The following FOXN3 variants were observed in gnomAD, a reference collection of about 807,000 sequenced individuals.
FOXN3 encodes forkhead box N3.
Under a neutral mutation model 38.4 loss-of-function variants are expected in FOXN3, and 7 were observed. The observed-to-expected ratio is 0.18, with a 90% CI of 0.10 to 0.34. The LOEUF (loss-of-function observed/expected upper bound fraction) is 0.34, where lower values mean the gene tolerates loss of function less well. FOXN3 is among the 10% of genes least tolerant of loss of function. FOXN3 has a pLI of 1.00. For missense variants in FOXN3, 456 were observed against 613.4 expected, an observed-to-expected ratio of 0.74 and a Z score of 2.71; for synonymous variants, 230 against 242.2, an observed-to-expected ratio of 0.95 and a Z score of 0.47.
rs56189442 is a variant in FOXN3 at position 89,269,485 on chromosome 14, G to GTT, written c.745+11463_745+11464dup. Among the ~76,000 whole-genome samples, 916 of 148,204 alleles carry GTT rather than the reference G, an allele frequency of 6.2e-3. 6 individuals carry two copies. Among genetic ancestry groups the GTT allele is most frequent in the African/African-American group, 0.019 (759 of 40,362 alleles). On this transcript the variant is annotated intron_variant, in intron 4 of 5. Coordinates refer to ENST00000557258, the MANE Select transcript of FOXN3 (RefSeq NM_005197.4). ...GGTCACTTGCTTTTTGTTTTGTTTTGTTTTTTTTTTTCCTTTTTCCATGAA... is the reference window on the plus strand; with the variant it reads ...GGTCACTTGCTTTTTGTTTTGTTTTGTTTTTTTTTTTTTCCTTTTTCCATGAA...
At chr14:89,293,694 T>C (rs1886947864) in intron 3 of FOXN3, among the ~76,000 whole-genome samples, 1 of 152,084 alleles carries the variant, frequency 6.6e-6, no homozygotes, top group East Asian at 1.9e-4. Flanking sequence ...ACATTGGAAG[T>C]AAGGGCACAT....
chr14:89,411,415 C>A (rs77513724), intron 2 of FOXN3, among the ~76,000 whole-genome samples: 2,123 of 152,338 alleles, frequency 0.014, 60 homozygotes, highest in African/African-American at 0.048. Flanking sequence ...TCTGTTTAGT[C>A]TGCGAGCGTA....
intron 1 of FOXN3, among the ~76,000 whole-genome samples, chr14:89,517,543 C>T (rs557041611): frequency 3.9e-5 from 6 of 152,160 alleles, no homozygotes; most frequent in South Asian, 2.1e-4. Context: ...CACTTTTAAA[C>T]GATCAGATCT....
chr14:89,177,157 C>T (rs545867171), intron 5 of FOXN3, among the ~76,000 whole-genome samples: 1 of 152,154 alleles, frequency 6.6e-6, no homozygotes, highest in Non-Finnish European at 1.5e-5. Context: ...ACTGCAGGCA[C>T]ATACCATCAC....
At chr14:89,581,433 G>A (rs1895736475) in intron 1 of FOXN3, among the ~76,000 whole-genome samples, 1 of 151,418 alleles carries the variant, frequency 6.6e-6, no homozygotes, top group African/African-American at 2.4e-5. Flanking sequence ...AGTGAGCCAA[G>A]ATCGTGCCAT....
At chr14:89,277,523 C>CTCG (rs1886334994) in intron 4 of FOXN3, among the ~76,000 whole-genome samples, 1 of 152,134 alleles carries the variant, frequency 6.6e-6, no homozygotes, top group African/African-American at 2.4e-5. Context: ...TGGTGTAATC[C>CTCG]AAACCAAATC....
chr14:89,274,457 C>A (rs867230348), intron 4 of FOXN3, among the ~76,000 whole-genome samples: 1 of 152,320 alleles, frequency 6.6e-6, no homozygotes, highest in Middle Eastern at 3.4e-3. Flanking sequence ...GAGTGACTGA[C>A]ATTCACAGTT....
At chr14:89,555,469 G>C (rs140571504) in intron 1 of FOXN3, among the ~76,000 whole-genome samples, 67 of 152,250 alleles carry the variant, frequency 4.4e-4, no homozygotes, top group African/African-American at 1.5e-3. Context: ...CCAATGTCTT[G>C]AGGCTAGTTT....
chr14:89,431,631 T>G (rs1385607774), intron 1 of FOXN3, among the ~76,000 whole-genome samples: 1 of 152,250 alleles, frequency 6.6e-6, no homozygotes, highest in Non-Finnish European at 1.5e-5. Context: ...GTTTTATTTT[T>G]TTAGAGCAGT....
At chr14:89,229,080 C>G (rs1884724175) in intron 4 of FOXN3, among the ~76,000 whole-genome samples, 1 of 152,156 alleles carries the variant, frequency 6.6e-6, no homozygotes, top group Admixed American at 6.5e-5. Flanking sequence ...ACCAATACAG[C>G]CCTGACAAAT....
chr14:89,371,352 G>A (rs12895962), intron 2 of FOXN3, among the ~76,000 whole-genome samples: 59,088 of 151,966 alleles, frequency 0.39, 13,983 homozygotes, highest in Admixed American at 0.55. Context: ...GAATACAACC[G>A]AGAAGAGTCT....
At chr14:89,168,065 T>G (rs1400829195) in intron 5 of FOXN3, among the ~76,000 whole-genome samples, 1 of 152,112 alleles carries the variant, frequency 6.6e-6, no homozygotes, top group Non-Finnish European at 1.5e-5. Context: ...TTTCCACAGA[T>G]AAGATTTCAA....
At chr14:89,278,089 C>T (rs185435373) in intron 4 of FOXN3, among the ~76,000 whole-genome samples, 39 of 152,258 alleles carry the variant, frequency 2.6e-4, no homozygotes, top group East Asian at 1.5e-3. Flanking sequence ...TCCATTTTCA[C>T]GCTGCTGATA....
intron 1 of FOXN3, among the ~76,000 whole-genome samples, chr14:89,613,142 C>T (rs1472724966): frequency 1.8e-5 from 2 of 109,784 alleles, no homozygotes; most frequent in Non-Finnish European, 3.8e-5. Flanking sequence ...AAAAAAAAAA[C>T]TCTTACATTA....
At chr14:89,395,050 C>G (rs1409276951) in intron 2 of FOXN3, among the ~76,000 whole-genome samples, 1 of 152,192 alleles carries the variant, frequency 6.6e-6, no homozygotes, top group East Asian at 1.9e-4. Context: ...TTTTGGAAAT[C>G]ACGCGTTCAT....
intron 1 of FOXN3, among the ~76,000 whole-genome samples, chr14:89,555,513 G>A (rs571236919): frequency 1.3e-5 from 2 of 152,186 alleles, no homozygotes; most frequent in South Asian, 4.1e-4. Flanking sequence ...TAAGCATCTT[G>A]TCATATGCTT....
chr14:89,411,752 G>A (rs1244853178), intron 2 of FOXN3, among the ~76,000 whole-genome samples, 182 bp downstream of exon 2: 1 of 152,012 alleles, frequency 6.6e-6, no homozygotes, highest in East Asian at 1.9e-4. Context: ...CTAATAAACA[G>A]TACATAACTA....
chr14:89,601,094 G>C (rs531832948), intron 1 of FOXN3, among the ~76,000 whole-genome samples: 1 of 152,304 alleles, frequency 6.6e-6, no homozygotes, highest in East Asian at 1.9e-4. Context: ...ATTAATGCCA[G>C]AGCCAAGCCC....
At chr14:89,205,567 C>T (rs1323069001) in intron 4 of FOXN3, among the ~76,000 whole-genome samples, 1 of 152,252 alleles carries the variant, frequency 6.6e-6, no homozygotes, top group Non-Finnish European at 1.5e-5. Context: ...CAACAGACAC[C>T]AGCAGGCCAT....
Sources: allele counts gnomAD v4.1 joint callset (sites outside exome capture counted in the v4.1 genomes callset), GRCh38; gene constraint gnomAD v4.1.1; transcripts MANE v1.5; gene names NCBI Gene and HGNC (gene_info 2026-07-23, HGNC 2026-07-21).